NEGR1: variants seen among roughly 807,000 people sequenced by gnomAD.
NEGR1 encodes neuronal growth regulator 1.
Under a neutral mutation model 40.9 loss-of-function variants are expected in NEGR1, and 10 were observed. The observed-to-expected ratio is 0.24, with a 90% confidence interval of 0.15 to 0.42. NEGR1 has a LOEUF of 0.42. Ranked by LOEUF, NEGR1 falls within the 10% of genes least tolerant of loss-of-function variation. The probability of loss-of-function intolerance (pLI) is 1.00; values close to 1 mark genes in which losing one functional copy is unlikely to be tolerated. For missense variants in NEGR1, 352 were observed against 438.9 expected, an observed-to-expected ratio of 0.80 and a Z score of 1.77; for synonymous variants, 185 against 166.8, an observed-to-expected ratio of 1.11 and a Z score of -0.84.
intron 1 of NEGR1, among the ~76,000 whole-genome samples, chr1:72,160,623 A>G (rs1651522440): frequency 6.6e-6 from 1 of 152,160 alleles, no homozygotes; most frequent in South Asian, 2.1e-4. Context: ...ATATACATAG[A>G]TTCTATCATG....
rs1221037613 is a variant in NEGR1, at chr1:71,401,776, A to C, written c.*5670T>G. 2 of 152,130 alleles carry C rather than the reference A, an allele frequency of 1.3e-5. No individual in the cohort carries two copies. Among genetic ancestry groups the C allele is most frequent in the Non-Finnish European group, 2.9e-5 (2 of 68,002 alleles). The allele number at this position is 152,130 out of a possible 1,614,324, so 9.4% of individuals were successfully genotyped here. ...TCCCAAACTTGACACATTTTTTGCA[A>C]AATGCTATACAAAAAGAAGATACAT... is the stretch of plus-strand genomic sequence containing the variant. On this transcript the variant is annotated 3_prime_UTR_variant, in exon 7 of 7. Coordinates refer to ENST00000357731, the MANE Select transcript of NEGR1 (RefSeq NM_173808.3).
chr1:71,781,582 T>A (rs1007359307), intron 2 of NEGR1, among the ~76,000 whole-genome samples: 6 of 152,176 alleles, frequency 3.9e-5, no homozygotes, highest in African/African-American at 1.4e-4. Context: ...GAATATTTAT[T>A]TAATCTGGCT....
chr1:71,910,050 T>C (rs1245037666), intron 2 of NEGR1, among the ~76,000 whole-genome samples: 2 of 152,220 alleles, frequency 1.3e-5, no homozygotes, highest in Non-Finnish European at 1.5e-5. Flanking sequence ...TACATCTTTT[T>C]GTGTGTTTTA....
chr1:71,450,455 A>C (rs142326872), intron 6 of NEGR1, among the ~76,000 whole-genome samples: 36 of 152,302 alleles, frequency 2.4e-4, no homozygotes, highest in African/African-American at 7.9e-4. Context: ...GGGACTTCTA[A>C]TACATAATAT....
intron 2 of NEGR1, among the ~76,000 whole-genome samples, chr1:71,904,900 T>C (rs1661234830): frequency 6.6e-6 from 1 of 152,118 alleles, no homozygotes; most frequent in South Asian, 2.1e-4. Flanking sequence ...AGATGGCAGC[T>C]TGCATGGGAG....
At chr1:71,815,662 A>G (rs115611730) in intron 2 of NEGR1, among the ~76,000 whole-genome samples, 2,940 of 151,872 alleles carry the variant, frequency 0.019, 94 homozygotes, top group African/African-American at 0.068. Flanking sequence ...ATTATGTATT[A>G]CCCTTCCCAA....
intron 1 of NEGR1, among the ~76,000 whole-genome samples, chr1:72,272,471 T>C (rs1435775727): frequency 1.3e-5 from 2 of 151,978 alleles, no homozygotes; most frequent in East Asian, 1.9e-4. Context: ...AAAAACTTTA[T>C]GATCTGTTTA....
At chr1:71,761,187 C>T (rs1004141009) in intron 3 of NEGR1, among the ~76,000 whole-genome samples, 3 of 152,098 alleles carry the variant, frequency 2.0e-5, no homozygotes, top group Admixed American at 6.5e-5. Flanking sequence ...AGTCAGCAAA[C>T]ATTTTTTAAA....
chr1:72,235,739 G>C (rs986634787), intron 1 of NEGR1, among the ~76,000 whole-genome samples: 3 of 151,956 alleles, frequency 2.0e-5, no homozygotes, highest in African/African-American at 7.2e-5. Flanking sequence ...AGCCATTCTA[G>C]GGTCTTGTGC....
chr1:72,052,308 T>G (rs1647069470), intron 1 of NEGR1, among the ~76,000 whole-genome samples: 1 of 151,388 alleles, frequency 6.6e-6, no homozygotes, highest in Non-Finnish European at 1.5e-5. Context: ...TGATTTGGCT[T>G]TAAAATTGAA....
chr1:71,483,923 C>A (rs965956405), intron 6 of NEGR1, among the ~76,000 whole-genome samples: 4 of 151,420 alleles, frequency 2.6e-5, no homozygotes, highest in African/African-American at 7.3e-5. Flanking sequence ...GATTTTTTTT[C>A]ACCTAGATTC....
intron 2 of NEGR1, among the ~76,000 whole-genome samples, chr1:71,859,815 A>G (rs1659890988): frequency 6.6e-6 from 1 of 152,106 alleles, no homozygotes. Flanking sequence ...ATGACACTCA[A>G]CAAAATTGTA....
intron 3 of NEGR1, among the ~76,000 whole-genome samples, chr1:71,719,278 T>C (rs1174199634): frequency 1.3e-5 from 2 of 152,188 alleles, no homozygotes; most frequent in Non-Finnish European, 2.9e-5. Flanking sequence ...AAAAGTTATG[T>C]CTTATTCATA....
chr1:72,254,151 T>C, intron 1 of NEGR1, among the ~76,000 whole-genome samples: 1 of 152,208 alleles, frequency 6.6e-6, no homozygotes, highest in East Asian at 1.9e-4. Context: ...ATGTACTACT[T>C]GTCTGAAGTA....
At chr1:71,957,369 T>C (rs761906458) in intron 1 of NEGR1, among the ~76,000 whole-genome samples, 100 of 152,250 alleles carry the variant, frequency 6.6e-4, no homozygotes, top group Non-Finnish European at 1.2e-3. Flanking sequence ...AATCCAGTTT[T>C]ATGAACACTA....
chr1:71,620,182 G>A (rs1348212434), intron 4 of NEGR1, among the ~76,000 whole-genome samples: 1 of 151,932 alleles, frequency 6.6e-6, no homozygotes, highest in Admixed American at 6.6e-5. Flanking sequence ...GTAGTAATGT[G>A]TTTCATGTTA....
chr1:71,813,603 T>C (rs1169902597), intron 2 of NEGR1, among the ~76,000 whole-genome samples: 1 of 152,176 alleles, frequency 6.6e-6, no homozygotes. Context: ...TCCTCTCTGA[T>C]TTCTTTGAGA....
intron 3 of NEGR1, among the ~76,000 whole-genome samples, chr1:71,773,921 A>C (rs1296874891): frequency 6.6e-6 from 1 of 152,206 alleles, no homozygotes; most frequent in East Asian, 1.9e-4. Flanking sequence ...GAATGTGCAT[A>C]ATAACAAGCA....
At chr1:72,143,896 T>TTAATATATG (rs1557548378) in intron 1 of NEGR1, among the ~76,000 whole-genome samples, 10 of 66,526 alleles carry the variant, frequency 1.5e-4, no homozygotes, top group African/African-American at 4.6e-4. Flanking sequence ...ATATATATAT[T>TTAATATATG]ATATATATGA....
Sources: allele counts gnomAD v4.1 joint callset (sites outside exome capture counted in the v4.1 genomes callset), GRCh38; gene constraint gnomAD v4.1.1; transcripts MANE v1.5; gene names NCBI Gene and HGNC (gene_info 2026-07-23, HGNC 2026-07-21).